DNAAF4: variants seen among roughly 807,000 people sequenced by gnomAD.
DNAAF4 encodes dynein axonemal assembly factor 4.
In DNAAF4, 43 loss-of-function variants were observed where a neutral mutation model predicts 51.8. The ratio of observed to expected loss-of-function variants is 0.83; its 90% confidence interval spans 0.65 to 1.07. DNAAF4 has a LOEUF of 1.07. Ranked by LOEUF, DNAAF4 falls within the 50% of genes least tolerant of loss-of-function variation. The probability of loss-of-function intolerance (pLI) is 0.00; values close to 1 mark genes in which losing one functional copy is unlikely to be tolerated. For missense variants in DNAAF4, 581 were observed against 493.0 expected (o/e 1.18, Z -1.69); for synonymous variants, 194 against 165.6 (o/e 1.17, Z -1.32).
At position 55,439,561 on chromosome 15, in the gene DNAAF4, C is replaced by T. The variant is rs1567004495; in HGVS notation, c.804G>A (p.Glu268=). ...TGTCAGTATTCATTGCTCTTCGTGC[C>T]TCAGCTTGTTTGTGTAGCCACTAGA... ...EEEEWLHKQA[E]ARRAMNTDIA... Residue 268 remains glutamate, a synonymous_variant, in exon 7 of 10, where the codon GAG becomes GAA. Transcript: ENST00000321149. 6.2e-7 allele frequency: 1 copy of T among 1,613,828 alleles called. No individual in the cohort carries two copies. The highest frequency in any genetic ancestry group is 8.5e-7 in the Non-Finnish European group (1 of 1,179,944).
At position 55,490,905 on chromosome 15, in the gene DNAAF4, G is replaced by C. The variant is rs886077202; in HGVS notation, c.405+218C>G. The C allele has an allele frequency of 4.6e-5, 18 of 395,048 alleles. 1 individual carries two copies. In the Admixed American group the frequency reaches 4.8e-4, roughly 11 times the overall value. 24.5% of individuals were successfully genotyped at this position (395,048 alleles called of 1,614,324 possible). A position where few individuals can be genotyped will look rare whatever the true frequency, so the allele number is the denominator to read the frequency against. ...GGAAGTGGAGCTTGCAGTGAGCCCA[G>C]ATCACCGCACTGCACTCCAGCCTGG... On this transcript the variant is annotated intron_variant, in intron 4 of 9. Coordinates refer to ENST00000321149, the MANE Select transcript of DNAAF4 (RefSeq NM_130810.4).
chr15:55,487,347 T>C (rs145073945), intron 4 of DNAAF4, among the ~76,000 whole-genome samples: 3 of 151,976 alleles, frequency 2.0e-5, no homozygotes, highest in Non-Finnish European at 4.4e-5. Context: ...CAGTGCTCTG[T>C]GTTTAGCTTA....
intron 4 of DNAAF4, among the ~76,000 whole-genome samples, chr15:55,490,853 C>T (rs553854743): frequency 6.6e-5 from 10 of 152,008 alleles, no homozygotes; most frequent in African/African-American, 1.7e-4. Flanking sequence ...ACTCAGGAGG[C>T]TGAGGCAGGA....
At chr15:55,467,453 G>T (rs540608587) in intron 4 of DNAAF4, among the ~76,000 whole-genome samples, 112 of 151,970 alleles carry the variant, frequency 7.4e-4, no homozygotes, top group Non-Finnish European at 1.2e-3. Flanking sequence ...TAAAATGTGG[G>T]CAGGCATTCA....
chr15:55,500,409 T>A (rs77834044), intron 1 of DNAAF4, among the ~76,000 whole-genome samples: 2,909 of 152,310 alleles, frequency 0.019, 104 homozygotes, highest in African/African-American at 0.067. Context: ...GTTCTATTCC[T>A]ACTTTTACCA....
chr15:55,499,366 G>A (rs922462608), intron 1 of DNAAF4, among the ~76,000 whole-genome samples: 1 of 152,112 alleles, frequency 6.6e-6, no homozygotes. Context: ...AACTAAGTGC[G>A]GTTCAATCGT....
intron 4 of DNAAF4, 127 bp downstream of exon 4, chr15:55,490,996 T>C: frequency 1.8e-6 from 2 of 1,098,590 alleles, no homozygotes; most frequent in Non-Finnish European, 2.6e-6. Context: ...ACAGTCTATA[T>C]AACATAGTAA....
chr15:55,486,018 G>A (rs1035812881), intron 4 of DNAAF4, among the ~76,000 whole-genome samples: 9 of 146,510 alleles, frequency 6.1e-5, no homozygotes, highest in South Asian at 2.2e-4. Flanking sequence ...AAAAAAAGGA[G>A]GCAGTAGCAG....
chr15:55,457,934 C>T (rs989672300), intron 5 of DNAAF4, among the ~76,000 whole-genome samples: 4 of 152,120 alleles, frequency 2.6e-5, no homozygotes, highest in African/African-American at 9.7e-5. Context: ...AATAGAAGGG[C>T]AATAACAATC....
At chr15:55,423,185 A>G (rs1325360373) in intron 7 of DNAAF4, among the ~76,000 whole-genome samples, 2 of 149,828 alleles carry the variant, frequency 1.3e-5, no homozygotes, top group South Asian at 4.2e-4. Context: ...TTTTTTTAAG[A>G]TATGATATAA....
rs150968828 is a variant in DNAAF4 at position 55,480,785 on chromosome 15, T to G, written c.405+10338A>C. On this transcript the variant is annotated intron_variant, in intron 4 of 9. Coordinates refer to ENST00000321149, the MANE Select transcript of DNAAF4 (RefSeq NM_130810.4). ...GGAAGACACTGCCCAAAGTATGCCTTACAAAATCAGGTAGACTCTTTGGCA... is the reference window on the plus strand; with the variant it reads ...GGAAGACACTGCCCAAAGTATGCCTGACAAAATCAGGTAGACTCTTTGGCA... 3.3e-3 allele frequency among the ~76,000 whole-genome samples: 510 copies of G among 152,296 alleles called. 2 individuals are homozygous for G. The highest frequency in any genetic ancestry group is 5.2e-3 in the South Asian group (25 of 4,828).
At chr15:55,454,641 G>C (rs1205261134) in intron 5 of DNAAF4, among the ~76,000 whole-genome samples, 1 of 152,122 alleles carries the variant, frequency 6.6e-6, no homozygotes, top group Non-Finnish European at 1.5e-5. Flanking sequence ...GCCTCCCAAA[G>C]TGCTGAGATT....
chr15:55,499,363 T>G (rs2058680585), intron 1 of DNAAF4, among the ~76,000 whole-genome samples: 1 of 152,160 alleles, frequency 6.6e-6, no homozygotes. Flanking sequence ...CAGAACTAAG[T>G]GCGGTTCAAT....
intron 7 of DNAAF4, chr15:55,418,455 A>T: frequency 6.6e-7 from 1 of 1,522,456 alleles, no homozygotes; most frequent in Non-Finnish European, 8.8e-7. Flanking sequence ...ACTCCAAAGG[A>T]GCAAGTATTT....
At chr15:55,499,449 T>A (rs1376377416) in intron 1 of DNAAF4, among the ~76,000 whole-genome samples, 1 of 152,200 alleles carries the variant, frequency 6.6e-6, no homozygotes. Flanking sequence ...CCTCCCTTTG[T>A]TCTCTGGAAT....
intron 1 of DNAAF4, among the ~76,000 whole-genome samples, chr15:55,500,140 G>A (rs973936716): frequency 1.3e-5 from 2 of 152,058 alleles, no homozygotes; most frequent in African/African-American, 4.8e-5. Flanking sequence ...ACTTTTGGAA[G>A]CCTTTCTTTC....
chr15:55,448,447 C>T (rs1389412978), intron 6 of DNAAF4, among the ~76,000 whole-genome samples: 2 of 135,556 alleles, frequency 1.5e-5, no homozygotes, highest in South Asian at 2.3e-4. Context: ...CTACAGTGAG[C>T]CATGATTGTC....
rs533193093 is a variant in DNAAF4 at position 55,498,121 on chromosome 15, G to C, written c.123+86C>G. 170 of 1,596,776 alleles carry C rather than the reference G, an allele frequency of 1.1e-4. 1 individual carries two copies. In the South Asian group the frequency reaches 1.9e-3, roughly 18 times the overall value. On this transcript the variant is annotated intron_variant, in intron 2 of 9. Coordinates refer to ENST00000321149, the MANE Select transcript of DNAAF4 (RefSeq NM_130810.4). ...ATTTAGGACGTTTATCGGCAAAGAT[G>C]AGCCTGTTGCTCGTGCCCAGCTGCG...
chr15:55,493,621 T>C (rs1383562228), intron 3 of DNAAF4, among the ~76,000 whole-genome samples: 2 of 152,188 alleles, frequency 1.3e-5, no homozygotes, highest in Non-Finnish European at 2.9e-5. Flanking sequence ...ACAGTCTACG[T>C]GTATAAACTG....
Sources: allele counts gnomAD v4.1 joint callset (sites outside exome capture counted in the v4.1 genomes callset), GRCh38; gene constraint gnomAD v4.1.1; transcripts MANE v1.5; gene names NCBI Gene and HGNC (gene_info 2026-07-23, HGNC 2026-07-21).